Variants in CNST observed in about 807,000 individuals in gnomAD.
CNST encodes the protein consortin.
CNST carries 39 observed loss-of-function variants against 72.4 expected under a neutral mutation model. The observed-to-expected ratio is 0.54, with a 90% CI of 0.42 to 0.70. CNST has a LOEUF of 0.70. Ranked by LOEUF, CNST falls within the 30% of genes least tolerant of loss-of-function variation. The pLI is 0.00. For missense variants in CNST, 871 were observed against 868.5 expected (o/e 1.00, Z -0.04); for synonymous variants, 332 against 320.1 (o/e 1.04, Z -0.40).
At chr1:246,633,539 G>T (rs1324863871) in intron 4 of CNST, among the ~76,000 whole-genome samples, 1 of 151,866 alleles carries the variant, frequency 6.6e-6, no homozygotes, top group Non-Finnish European at 1.5e-5. Flanking sequence ...TGAGGAGTTC[G>T]AGACGAGCCT....
intron 1 of CNST, among the ~76,000 whole-genome samples, chr1:246,571,367 T>G (rs1660057410): frequency 6.6e-6 from 1 of 152,134 alleles, no homozygotes; most frequent in Non-Finnish European, 1.5e-5. Flanking sequence ...CCAGGCTGGT[T>G]TCAAACTCCT....
rs1377731325 is a variant in CNST, at chr1:246,657,882, A to G, written c.1837-2317A>G. 2.0e-5 allele frequency among the ~76,000 whole-genome samples: 3 copies of G among 152,140 alleles called. No individual in the cohort carries two copies. In the East Asian group the frequency reaches 5.8e-4, roughly 29 times the overall value. On this transcript the variant is annotated intron_variant, in intron 9 of 10. Transcript: ENST00000366513. ...ATTTATGGCTTGTATCCGTTTCTTG[A>G]ATTTATAGATGCAGAATTCATATCA...
intron 2 of CNST, among the ~76,000 whole-genome samples, chr1:246,610,842 C>T (rs796107461): frequency 6.6e-6 from 1 of 152,130 alleles, no homozygotes; most frequent in African/African-American, 2.4e-5. Flanking sequence ...GTACCACAAA[C>T]ATTTTTGAAT....
intron 1 of CNST, among the ~76,000 whole-genome samples, chr1:246,590,047 T>C (rs965803155): frequency 3.3e-5 from 5 of 152,210 alleles, no homozygotes; most frequent in African/African-American, 1.2e-4. Context: ...TGCAAAAATT[T>C]TCTCCCATTC....
At chr1:246,664,296 G>T (rs1310202820) in intron 10 of CNST, among the ~76,000 whole-genome samples, 1 of 152,158 alleles carries the variant, frequency 6.6e-6, no homozygotes, top group African/African-American at 2.4e-5. Context: ...GATATTTGTT[G>T]TGCAGAACTG....
chr1:246,653,645 T>TA (rs1308334916), intron 9 of CNST, among the ~76,000 whole-genome samples: 1 of 152,244 alleles, frequency 6.6e-6, no homozygotes, highest in Non-Finnish European at 1.5e-5. Context: ...CTTTTGTTTT[T>TA]ATCATGACCT....
At position 246,634,159 on chromosome 1, in the gene CNST, C is replaced by T. The variant is rs1664975560; in HGVS notation, c.703+149C>T. 5 of 617,658 alleles carry T rather than the reference C, an allele frequency of 8.1e-6. No individual in the cohort carries two copies. In the African/African-American group the frequency reaches 9.2e-5, roughly 11 times the overall value. The allele number at this position is 617,658 out of a possible 1,614,324, so 38.3% of individuals were successfully genotyped here. ...GTTGCAAAGAAAGTAGCATTTTTAC[C>T]ACAAGTCTATTATATTGTGAGAAGA... On this transcript the variant is annotated intron_variant, in intron 5 of 10. Transcript: ENST00000366513.
chr1:246,630,335 C>T (rs1664698183), intron 3 of CNST, among the ~76,000 whole-genome samples: 2 of 152,218 alleles, frequency 1.3e-5, no homozygotes, highest in Non-Finnish European at 2.9e-5. Flanking sequence ...GTTCATACTA[C>T]TTTTAAAACA....
intron 6 of CNST, among the ~76,000 whole-genome samples, chr1:246,641,046 A>G (rs1665654032): frequency 6.6e-6 from 1 of 152,130 alleles, no homozygotes; most frequent in African/African-American, 2.4e-5. Context: ...CTGTCCTGTA[A>G]TTTTATATAA....
At chr1:246,658,838 G>A (rs997614050) in intron 9 of CNST, among the ~76,000 whole-genome samples, 1 of 152,186 alleles carries the variant, frequency 6.6e-6, no homozygotes, top group African/African-American at 2.4e-5. Flanking sequence ...CAACTAACAA[G>A]TTAACTTCTG....
intron 9 of CNST, among the ~76,000 whole-genome samples, chr1:246,653,613 T>C (rs540426631): frequency 5.3e-5 from 8 of 152,236 alleles, no homozygotes; most frequent in Non-Finnish European, 1.2e-4. Flanking sequence ...ATTACCTGTT[T>C]TCCAAATGGC....
chr1:246,660,866 T>C (rs1428596858), intron 10 of CNST, among the ~76,000 whole-genome samples: 1 of 152,208 alleles, frequency 6.6e-6, no homozygotes, highest in African/African-American at 2.4e-5. Context: ...AGCTGCAAAA[T>C]TCAACTTGTG....
In CNST at chr1:246,649,019, A is replaced by G. The variant is rs1390674729; in HGVS notation, c.1836+982A>G. Reference sequence around the variant, plus strand: ...TATTGCCATTTATAGTCAATTCTCTATAAACAATGACTTTTCTTTTTAATT... The same window carrying G: ...TATTGCCATTTATAGTCAATTCTCTGTAAACAATGACTTTTCTTTTTAATT... On this transcript the variant is annotated intron_variant, in intron 9 of 10. Coordinates refer to ENST00000366513, the MANE Select transcript of CNST (RefSeq NM_152609.3). Among the ~76,000 whole-genome samples the G allele has an allele frequency of 4.6e-5, 7 of 152,326 alleles. No individual in the cohort carries two copies. In the East Asian group the frequency reaches 5.8e-4, roughly 13 times the overall value.
intron 2 of CNST, among the ~76,000 whole-genome samples, chr1:246,611,048 A>G (rs1663283255): frequency 6.6e-6 from 1 of 152,190 alleles, no homozygotes; most frequent in African/African-American, 2.4e-5. Context: ...ACAGAGAGGC[A>G]AGTGCCTTGT....
At chr1:246,621,670 A>G in intron 3 of CNST, 36 bp downstream of exon 3, 1 of 1,536,964 alleles carries the variant, frequency 6.5e-7, no homozygotes, top group Non-Finnish European at 9.0e-7. Flanking sequence ...AGCCTCACGA[A>G]AATTCCCCTA....
intron 9 of CNST, chr1:246,648,335 A>G (rs1666249230): frequency 1.5e-6 from 1 of 656,596 alleles, no homozygotes. Context: ...AGTTCCAGAT[A>G]TTGGAATCAA....
chr1:246,589,265 TC>T (rs1558536417), intron 1 of CNST, among the ~76,000 whole-genome samples: 1 of 92,876 alleles, frequency 1.1e-5, no homozygotes, highest in South Asian at 4.7e-4. Flanking sequence ...TCCCTCCCCC[TC>T]CCCCCACCCC....
At chr1:246,640,657 A>C (rs893669762) in intron 6 of CNST, among the ~76,000 whole-genome samples, 11 of 152,172 alleles carry the variant, frequency 7.2e-5, no homozygotes, top group South Asian at 4.1e-4. Flanking sequence ...AATCATGGAG[A>C]GTAAACTAAA....
intron 2 of CNST, among the ~76,000 whole-genome samples, chr1:246,598,738 C>T (rs772647126): frequency 2.4e-4 from 36 of 152,272 alleles, no homozygotes; most frequent in Non-Finnish European, 4.7e-4. Context: ...CAGGAGTCTA[C>T]ATCATGCCCT....
Sources: allele counts gnomAD v4.1 joint callset (sites outside exome capture counted in the v4.1 genomes callset), GRCh38; gene constraint gnomAD v4.1.1; transcripts MANE v1.5; gene names NCBI Gene and HGNC (gene_info 2026-07-23, HGNC 2026-07-21).